Variants in PRORP observed in about 807,000 individuals in gnomAD.
PRORP encodes the protein mitochondrial ribonuclease P catalytic subunit.
Under a neutral mutation model 59.4 loss-of-function variants are expected in PRORP, and 51 were observed. The ratio of observed to expected loss-of-function variants is 0.86; its 90% confidence interval spans 0.69 to 1.08. The LOEUF is 1.08. PRORP is among the 50% of genes least tolerant of loss of function. The probability of loss-of-function intolerance (pLI) is 0.00; values close to 1 mark genes in which losing one functional copy is unlikely to be tolerated. For missense variants in PRORP, 646 were observed against 690.3 expected, an observed-to-expected ratio of 0.94 and a Z score of 0.72; for synonymous variants, 231 against 245.6, an observed-to-expected ratio of 0.94 and a Z score of 0.55.
intron 4 of PRORP, among the ~76,000 whole-genome samples, chr14:35,155,351 G>T (rs2047887145): frequency 6.6e-6 from 1 of 152,054 alleles, no homozygotes; most frequent in Non-Finnish European, 1.5e-5. Flanking sequence ...TAGTTTATGG[G>T]TTCATGGGGA....
chr14:35,261,962 A>G (rs80198297), intron 5 of PRORP, among the ~76,000 whole-genome samples: 1 of 152,058 alleles, frequency 6.6e-6, no homozygotes, highest in Non-Finnish European at 1.5e-5. Flanking sequence ...CAGCCACAAG[A>G]TGGTGCCCCA....
At chr14:35,219,623 C>T (rs1221422207) in intron 5 of PRORP, among the ~76,000 whole-genome samples, 6 of 152,216 alleles carry the variant, frequency 3.9e-5, no homozygotes, top group Non-Finnish European at 8.8e-5. Context: ...TGCCTAATGG[C>T]ACCCTACATG....
intron 5 of PRORP, among the ~76,000 whole-genome samples, chr14:35,228,471 CTAG>C (rs1209235820): frequency 6.6e-6 from 1 of 152,158 alleles, no homozygotes; most frequent in Non-Finnish European, 1.5e-5. Context: ...CATCTCCCCG[CTAG>C]TAGTCCCAGT....
At position 35,141,764 on chromosome 14, in the gene PRORP, T is replaced by C. The variant is rs546895712; in HGVS notation, c.1167+14153T>C. Among the ~76,000 whole-genome samples, 178 of 145,436 alleles carry C rather than the reference T, an allele frequency of 1.2e-3. 23 individuals are homozygous for C. Among genetic ancestry groups the C allele is most frequent in the Non-Finnish European group, 2.2e-3 (145 of 65,358 alleles). On this transcript the variant is annotated intron_variant, in intron 4 of 7. Transcript: ENST00000534898. ...CAGGGTCTTGCTCTGTCACCTAAGCTGGAGTGCAGTGGCACAATCACGGCT... is the reference window on the plus strand; with the variant it reads ...CAGGGTCTTGCTCTGTCACCTAAGCCGGAGTGCAGTGGCACAATCACGGCT...
intron 5 of PRORP, among the ~76,000 whole-genome samples, chr14:35,231,402 G>C (rs1378307952): frequency 6.6e-6 from 1 of 152,088 alleles, no homozygotes; most frequent in Non-Finnish European, 1.5e-5. Context: ...GGCTGAGAGT[G>C]GAAGTGGTTC....
At chr14:35,226,901 A>G (rs1253807970) in intron 5 of PRORP, among the ~76,000 whole-genome samples, 2 of 151,494 alleles carry the variant, frequency 1.3e-5, no homozygotes, top group African/African-American at 4.8e-5. Flanking sequence ...CACCTGGCTA[A>G]TTTTTGTATA....
At chr14:35,146,700 C>T (rs1020557151) in intron 4 of PRORP, among the ~76,000 whole-genome samples, 2 of 152,128 alleles carry the variant, frequency 1.3e-5, no homozygotes, top group African/African-American at 4.8e-5. Flanking sequence ...AAAGTACAGG[C>T]ATACCTTGAA....
chr14:35,137,955 C>T lies in PRORP; in HGVS notation c.1167+10344C>T, dbSNP rs772683775. Among the ~76,000 whole-genome samples the T allele has an allele frequency of 1.4e-5, 2 of 145,560 alleles. 1 individual carries two copies. Among genetic ancestry groups the T allele is most frequent in the Non-Finnish European group, 3.1e-5 (2 of 65,516 alleles). On this transcript the variant is annotated intron_variant, in intron 4 of 7. Coordinates refer to ENST00000534898, the MANE Select transcript of PRORP (RefSeq NM_014672.4). ...GTTGGTTGGTTGTTTTTTTTCCTCA[C>T]CATTTGTATTAATTTGCTAAAGCTG...
Position 35,123,956 on chromosome 14 carries a change from A to G in PRORP, c.711A>G (p.Lys237=), listed in dbSNP as rs550528802. ...REALLLLEDI[K]KVITPSKKNY... is the part of the protein sequence containing the mutation. ...CATTGTTGCTGTTAGAGGACATCAA[A>G]AAAGTTATAACTCCTTCAAAAAAGA... The change falls in exon 2 of 8, where the codon AAA becomes AAG. Residue 237 remains lysine, a synonymous_variant. Coordinates refer to ENST00000534898, the MANE Select transcript of PRORP (RefSeq NM_014672.4). 6.2e-7 allele frequency: 1 copy of G among 1,614,178 alleles called. No individual in the cohort carries two copies. The highest frequency in any genetic ancestry group is 1.3e-5 in the African/African-American group (1 of 75,056).
chr14:35,223,739 G>A (rs1163733402), intron 5 of PRORP, among the ~76,000 whole-genome samples: 2 of 152,172 alleles, frequency 1.3e-5, no homozygotes, highest in Non-Finnish European at 2.9e-5. Flanking sequence ...GATTACAGAC[G>A]TGAGCCACTG....
At chr14:35,255,755 G>A (rs190912213) in intron 5 of PRORP, among the ~76,000 whole-genome samples, 116 of 152,116 alleles carry the variant, frequency 7.6e-4, no homozygotes, top group South Asian at 2.5e-3. Flanking sequence ...GGATGCAATC[G>A]GTAAAATCTA....
chr14:35,147,833 TTTG>T (rs1279557273), intron 4 of PRORP, among the ~76,000 whole-genome samples: 5 of 152,386 alleles, frequency 3.3e-5, no homozygotes, highest in African/African-American at 1.2e-4. Context: ...TTCTAAATTC[TTTG>T]TTATCATTTT....
chr14:35,180,553 T>TGTGTGTGTGTGTGTGTGTGTGTGTG (rs1555325955), intron 4 of PRORP, 117 bp from the exon 5 acceptor site: 17 of 624,212 alleles, frequency 2.7e-5, no homozygotes, highest in South Asian at 5.9e-5. Flanking sequence ...TGTGTGTGTA[T>TGTGTGTGTGTGTGTGTGTGTGTGTG]TTTTAAGGGA....
At chr14:35,165,117 A>G (rs1253160728) in intron 4 of PRORP, among the ~76,000 whole-genome samples, 2 of 152,208 alleles carry the variant, frequency 1.3e-5, no homozygotes, top group Non-Finnish European at 2.9e-5. Context: ...CCCCGTGTGT[A>G]AACTACTCCA....
chr14:35,139,246 C>T (rs1022401478), intron 4 of PRORP, among the ~76,000 whole-genome samples: 8 of 145,630 alleles, frequency 5.5e-5, no homozygotes, highest in South Asian at 2.2e-4. Flanking sequence ...TGTGAGCCAC[C>T]GTGCCCAGGA....
At chr14:35,219,593 G>A (rs982182906) in intron 5 of PRORP, among the ~76,000 whole-genome samples, 1 of 152,216 alleles carries the variant, frequency 6.6e-6, no homozygotes, top group African/African-American at 2.4e-5. Flanking sequence ...CATTCTCTAA[G>A]TGACCATGAC....
At chr14:35,189,184 C>G (rs2048820827) in intron 5 of PRORP, among the ~76,000 whole-genome samples, 2 of 152,110 alleles carry the variant, frequency 1.3e-5, no homozygotes, top group Admixed American at 6.6e-5. Context: ...CTAAGTCTTA[C>G]TACTTTTCTT....
At position 35,173,878 on chromosome 14, in the gene PRORP, T is replaced by A. The variant is rs1346337853; in HGVS notation, c.1168-6792T>A. Among the ~76,000 whole-genome samples, 4 of 152,204 alleles carry A rather than the reference T, an allele frequency of 2.6e-5. No homozygotes were observed. In the East Asian group the frequency reaches 7.7e-4, roughly 29 times the overall value. On this transcript the variant is annotated intron_variant, in intron 4 of 7. Coordinates refer to ENST00000534898, the MANE Select transcript of PRORP (RefSeq NM_014672.4). ...AATCAAATAGGGGCTGGGGGTCATC[T>A]TGAAATCCCCCTCAGTCTCATCGGT...
intron 5 of PRORP, among the ~76,000 whole-genome samples, chr14:35,260,840 T>A (rs1227045035): frequency 6.6e-6 from 1 of 152,182 alleles, no homozygotes. Flanking sequence ...ATGTTAAGTC[T>A]GCTAGGTCTG....
Sources: allele counts gnomAD v4.1 joint callset (sites outside exome capture counted in the v4.1 genomes callset), GRCh38; gene constraint gnomAD v4.1.1; transcripts MANE v1.5; gene names NCBI Gene and HGNC (gene_info 2026-07-23, HGNC 2026-07-21).